The following CRACD variants were observed in gnomAD, a reference collection of about 807,000 sequenced individuals.
CRACD encodes capping protein inhibiting regulator of actin dynamics, also known as capping protein-inhibiting regulator of actin dynamics.
Under a neutral mutation model 106.8 loss-of-function variants are expected in CRACD, and 56 were observed. The observed-to-expected ratio is 0.52, with a 90% CI of 0.42 to 0.66. The LOEUF (loss-of-function observed/expected upper bound fraction) is 0.66, where lower values mean the gene tolerates loss of function less well. CRACD is among the 30% of genes least tolerant of loss of function. The pLI is 0.00. For missense variants in CRACD, 1,730 were observed against 1,623.2 expected, an observed-to-expected ratio of 1.07 and a Z score of -1.13; for synonymous variants, 754 against 670.8, an observed-to-expected ratio of 1.12 and a Z score of -1.92.
intron 1 of CRACD, among the ~76,000 whole-genome samples, chr4:56,152,007 T>C: frequency 8.3e-6 from 1 of 120,894 alleles, no homozygotes; most frequent in Non-Finnish European, 1.8e-5. Context: ...GAGCAAATAG[T>C]TTTTTCTTTT....
chr4:56,186,253 GT>G (rs1226009566), intron 2 of CRACD, among the ~76,000 whole-genome samples: 1 of 152,200 alleles, frequency 6.6e-6, no homozygotes, highest in Admixed American at 6.5e-5. Flanking sequence ...AATTAGGTTG[GT>G]GTAGTGCTAG....
chr4:56,121,038 GACAGT>G (rs1162355680), intron 1 of CRACD, among the ~76,000 whole-genome samples: 1 of 152,120 alleles, frequency 6.6e-6, no homozygotes, highest in Non-Finnish European at 1.5e-5. Flanking sequence ...GGGTATCAAA[GACAGT>G]GGTATACCTA....
chr4:56,283,190 C>G (rs1413817537), intron 3 of CRACD, among the ~76,000 whole-genome samples: 3 of 152,108 alleles, frequency 2.0e-5, no homozygotes, highest in Admixed American at 2.0e-4. Flanking sequence ...CCTTTGCTCT[C>G]AGGCAGCAGC....
chr4:56,122,309 C>CA lies in CRACD; in HGVS notation c.-335-56960dup, dbSNP rs33942884. 2.3e-3 allele frequency among the ~76,000 whole-genome samples: 255 copies of CA among 109,508 alleles called. 1 individual carries two copies. The highest frequency in any genetic ancestry group is 0.016 in the Middle Eastern group (3 of 184). The allele number at this position is 109,508 out of a possible 152,430, so 71.8% of individuals were successfully genotyped here. On this transcript the variant is annotated intron_variant, in intron 1 of 10. Coordinates refer to ENST00000682029, the MANE Select transcript of CRACD (RefSeq NM_001393381.1). ...AGCATATAACCTCCAAATTGTAGAC[C>CA]AAAAAAAAAAAAAAAGAATTTTTAA... is the stretch of plus-strand genomic sequence containing the variant.
chr4:56,280,421 C>G (rs1044318923), intron 3 of CRACD, among the ~76,000 whole-genome samples: 1 of 152,190 alleles, frequency 6.6e-6, no homozygotes, highest in Non-Finnish European at 1.5e-5. Flanking sequence ...TAATTCCTCT[C>G]CATCCTTGAG....
chr4:56,295,660 CAT>C lies in CRACD; in HGVS notation c.-16-2503_-16-2502del, dbSNP rs57635563. On this transcript the variant is annotated intron_variant, in intron 3 of 10. Coordinates refer to ENST00000682029, the MANE Select transcript of CRACD (RefSeq NM_001393381.1). ...CACACAACTGTGAGAAATTAGTAAA[CAT>C]ATATATATATATATATATATATATA... 3.0e-3 allele frequency among the ~76,000 whole-genome samples: 321 copies of C among 108,748 alleles called. 1 individual carries two copies. The highest frequency in any genetic ancestry group is 4.5e-3 in the East Asian group (11 of 2,440). 71.3% of individuals were successfully genotyped at this position (108,748 alleles called of 152,430 possible).
chr4:56,221,878 G>C (rs1739056563), intron 2 of CRACD, among the ~76,000 whole-genome samples: 1 of 152,112 alleles, frequency 6.6e-6, no homozygotes. Context: ...TTATTAAAAA[G>C]TCAAAAAACA....
intron 2 of CRACD, among the ~76,000 whole-genome samples, chr4:56,256,036 A>G (rs1019424333): frequency 1.3e-5 from 2 of 152,160 alleles, no homozygotes; most frequent in African/African-American, 4.8e-5. Flanking sequence ...TGGCCCCTAT[A>G]GGTGATTCAC....
At chr4:56,281,421 A>T (rs1012490881) in intron 3 of CRACD, among the ~76,000 whole-genome samples, 1 of 152,118 alleles carries the variant, frequency 6.6e-6, no homozygotes, top group African/African-American at 2.4e-5. Context: ...CTGCTGAGGT[A>T]TAGCGATTCT....
intron 3 of CRACD, among the ~76,000 whole-genome samples, chr4:56,296,330 G>GT (rs146933676): frequency 0.024 from 3,659 of 149,362 alleles, 134 homozygotes; most frequent in African/African-American, 0.084. Flanking sequence ...ACTCCACACA[G>GT]TTTTTTTTTT....
intron 3 of CRACD, among the ~76,000 whole-genome samples, chr4:56,294,936 T>TAAAA (rs1743917168): frequency 1.2e-5 from 1 of 85,628 alleles, no homozygotes. Context: ...AAAAAAAAAG[T>TAAAA]AAAAAGAAAA....
chr4:56,141,197 C>T (rs1479130201), intron 1 of CRACD, among the ~76,000 whole-genome samples: 1 of 152,066 alleles, frequency 6.6e-6, no homozygotes, highest in South Asian at 2.1e-4. Context: ...TTGCTCAAAC[C>T]CTGCATACCA....
chr4:56,249,893 T>C (rs1263527972), intron 2 of CRACD, among the ~76,000 whole-genome samples: 3 of 152,232 alleles, frequency 2.0e-5, no homozygotes, highest in Non-Finnish European at 4.4e-5. Flanking sequence ...ATTACTAGTT[T>C]ATGTGTTTGT....
intron 1 of CRACD, among the ~76,000 whole-genome samples, chr4:56,124,532 A>G (rs1734598449): frequency 6.6e-6 from 1 of 152,194 alleles, no homozygotes; most frequent in Non-Finnish European, 1.5e-5. Flanking sequence ...TCTAATATCT[A>G]GTCAGTGTTC....
intron 3 of CRACD, among the ~76,000 whole-genome samples, chr4:56,274,984 C>T (rs1028258902): frequency 1.3e-5 from 2 of 152,174 alleles, no homozygotes; most frequent in African/African-American, 4.8e-5. Context: ...TTTGCAGGAA[C>T]ATGGATGGAG....
At chr4:56,071,028 A>C (rs1288334039) in intron 1 of CRACD, among the ~76,000 whole-genome samples, 2 of 152,204 alleles carry the variant, frequency 1.3e-5, no homozygotes, top group African/African-American at 4.8e-5. Context: ...ACATTTTGCC[A>C]TCATTGACTA....
chr4:56,061,372 A>T (rs1438643862), intron 1 of CRACD, among the ~76,000 whole-genome samples: 1 of 152,050 alleles, frequency 6.6e-6, no homozygotes, highest in East Asian at 1.9e-4. Flanking sequence ...GGGTCTTGCC[A>T]TGTTGCCTAG....
At chr4:56,326,740 G>GC (rs1746473687) in intron 10 of CRACD, among the ~76,000 whole-genome samples, 1 of 140,210 alleles carries the variant, frequency 7.1e-6, no homozygotes, top group Admixed American at 7.7e-5. Context: ...GGGGACGGTA[G>GC]CTTTTTTTTT....
At chr4:56,056,597 C>CA (rs1732073341) in intron 1 of CRACD, among the ~76,000 whole-genome samples, 6 of 89,656 alleles carry the variant, frequency 6.7e-5, no homozygotes, top group African/African-American at 3.0e-4. Context: ...AAAAAAAAAA[C>CA]CAAAAAAAAA....
Sources: gnomAD v4.1 joint callset for allele counts (sites outside exome capture counted in the v4.1 genomes callset) on GRCh38, gnomAD v4.1.1 for gene constraint, MANE v1.5 for transcripts, NCBI Gene and HGNC (gene_info 2026-07-23, HGNC 2026-07-21) for gene names.